HPSE2: variants seen among roughly 807,000 people sequenced by gnomAD.
The protein encoded by HPSE2 is inactive heparanase-2.
A neutral mutation model predicts 60.5 loss-of-function variants in HPSE2; 38 were observed. The observed-to-expected ratio is 0.63, with a 90% CI of 0.48 to 0.82. The LOEUF is 0.82. Ranked by LOEUF, HPSE2 falls within the 40% of genes least tolerant of loss-of-function variation. The pLI is 0.00. For missense variants in HPSE2, 713 were observed against 740.4 expected (o/e 0.96, Z 0.43); for synonymous variants, 295 against 293.2 (o/e 1.01, Z -0.06).
At chr10:98,582,925 C>A (rs1042327572) in intron 9 of HPSE2, among the ~76,000 whole-genome samples, 27 of 152,120 alleles carry the variant, frequency 1.8e-4, no homozygotes, top group African/African-American at 6.3e-4. Flanking sequence ...CCACCCCCAA[C>A]CGTTTTCTCC....
intron 3 of HPSE2, among the ~76,000 whole-genome samples, chr10:98,987,702 T>C (rs1301557860): frequency 6.6e-6 from 1 of 152,160 alleles, no homozygotes; most frequent in Non-Finnish European, 1.5e-5. Context: ...GGAAGTCAAA[T>C]TGTCCCTGTT....
chr10:98,832,151 C>G (rs925546956), intron 3 of HPSE2, among the ~76,000 whole-genome samples: 12 of 152,132 alleles, frequency 7.9e-5, no homozygotes, highest in African/African-American at 2.4e-4. Context: ...GGCTGTCCGC[C>G]TTGTGGTGTT....
At chr10:98,888,735 C>T (rs1267756810) in intron 3 of HPSE2, among the ~76,000 whole-genome samples, 4 of 152,186 alleles carry the variant, frequency 2.6e-5, no homozygotes, top group Middle Eastern at 3.2e-3. Flanking sequence ...TTCTCAACAG[C>T]CCACAAGGCC....
Position 98,782,922 on chromosome 10 carries a change from T to A in HPSE2, c.611-38866A>T, listed in dbSNP as rs1300316030. 9.7e-4 allele frequency among the ~76,000 whole-genome samples: 40 copies of A among 41,116 alleles called. 3 individuals are homozygous for A. The highest frequency in any genetic ancestry group is 5.0e-3 in the African/African-American group (35 of 7,048). The allele number at this position is 41,116 out of a possible 152,430, so 27.0% of individuals were successfully genotyped here. A position where few individuals can be genotyped will look rare whatever the true frequency, so the allele number is the denominator to read the frequency against. ...CTTCCCTGTTTGTTTATTTTTTTTTTTTTATTTTTTTTTTTAATGTTTTTT... is the reference window on the plus strand; with the variant it reads ...CTTCCCTGTTTGTTTATTTTTTTTTATTTATTTTTTTTTTTAATGTTTTTT... On this transcript the variant is annotated intron_variant, in intron 3 of 11. Coordinates refer to ENST00000370552, the MANE Select transcript of HPSE2 (RefSeq NM_021828.5).
intron 3 of HPSE2, among the ~76,000 whole-genome samples, chr10:99,028,616 C>T (rs1388432159): frequency 6.6e-6 from 1 of 151,994 alleles, no homozygotes; most frequent in Non-Finnish European, 1.5e-5. Context: ...ACATTCTTCA[C>T]AGAAATAGAA....
intron 3 of HPSE2, among the ~76,000 whole-genome samples, chr10:98,835,207 T>C (rs934246398): frequency 3.3e-5 from 5 of 152,206 alleles, no homozygotes; most frequent in Admixed American, 6.5e-5. Flanking sequence ...GATGAACATG[T>C]TGATCTGCAA....
At chr10:98,883,210 A>T (rs1036968138) in intron 3 of HPSE2, among the ~76,000 whole-genome samples, 3 of 151,284 alleles carry the variant, frequency 2.0e-5, no homozygotes, top group Non-Finnish European at 2.9e-5. Context: ...GGCACAATTT[A>T]AAAAAAAACT....
intron 3 of HPSE2, among the ~76,000 whole-genome samples, chr10:98,815,720 TGAAA>T (rs2134589746): frequency 6.6e-6 from 1 of 152,260 alleles, no homozygotes; most frequent in African/African-American, 2.4e-5. Flanking sequence ...AAATATTTAC[TGAAA>T]GAAAATGATG....
chr10:98,766,255 AT>A (rs1430393595), intron 3 of HPSE2, among the ~76,000 whole-genome samples: 6 of 152,206 alleles, frequency 3.9e-5, no homozygotes, highest in Non-Finnish European at 8.8e-5. Flanking sequence ...GAATAATCAT[AT>A]ATCTACCAAG....
intron 3 of HPSE2, among the ~76,000 whole-genome samples, chr10:98,957,309 T>C (rs1955534365): frequency 2.0e-5 from 3 of 152,192 alleles, no homozygotes; most frequent in Admixed American, 2.0e-4. Flanking sequence ...TGTAAGTCCC[T>C]ATTAAATGTT....
intron 3 of HPSE2, among the ~76,000 whole-genome samples, chr10:98,811,457 A>G (rs1473245749): frequency 2.6e-5 from 4 of 152,182 alleles, no homozygotes; most frequent in African/African-American, 7.2e-5. Context: ...ATTAATGAAG[A>G]AATAAATGAA....
intron 11 of HPSE2, among the ~76,000 whole-genome samples, chr10:98,474,052 C>A (rs1940897748): frequency 6.6e-6 from 1 of 152,086 alleles, no homozygotes; most frequent in Non-Finnish European, 1.5e-5. Context: ...TAATGGAAAC[C>A]TGCAGGGAGT....
chr10:98,821,665 G>A (rs185643378), intron 3 of HPSE2, among the ~76,000 whole-genome samples: 5 of 152,282 alleles, frequency 3.3e-5, no homozygotes, highest in Admixed American at 1.3e-4. Context: ...GGGGTTGTTC[G>A]TGATTTTGGT....
chr10:98,991,692 G>A (rs1444721807), intron 3 of HPSE2, among the ~76,000 whole-genome samples: 1 of 152,046 alleles, frequency 6.6e-6, no homozygotes, highest in East Asian at 1.9e-4. Flanking sequence ...GATAAAGGAG[G>A]GAAATTAAGT....
At chr10:98,705,267 C>T (rs1013358108) in intron 5 of HPSE2, among the ~76,000 whole-genome samples, 2 of 152,038 alleles carry the variant, frequency 1.3e-5, no homozygotes, top group African/African-American at 2.4e-5. Context: ...TAGATGCTGG[C>T]GAAGCTGCGG....
At chr10:99,102,991 T>G (rs1246132200) in intron 3 of HPSE2, among the ~76,000 whole-genome samples, 1 of 152,132 alleles carries the variant, frequency 6.6e-6, no homozygotes, top group East Asian at 1.9e-4. Flanking sequence ...CTCAAAATAA[T>G]AAGAGCTATT....
At chr10:98,888,171 CACAT>C (rs1160457223) in intron 3 of HPSE2, among the ~76,000 whole-genome samples, 6 of 149,754 alleles carry the variant, frequency 4.0e-5, no homozygotes, top group South Asian at 2.1e-4. Context: ...CACACACACA[CACAT>C]GCATGATAAG....
At chr10:98,891,192 G>T (rs1953326024) in intron 3 of HPSE2, among the ~76,000 whole-genome samples, 1 of 151,882 alleles carries the variant, frequency 6.6e-6, no homozygotes, top group African/African-American at 2.4e-5. Flanking sequence ...AAAATGTAAA[G>T]AACCATATCC....
At chr10:98,593,665 T>C (rs1024861596) in intron 9 of HPSE2, among the ~76,000 whole-genome samples, 3 of 152,130 alleles carry the variant, frequency 2.0e-5, no homozygotes, top group Non-Finnish European at 4.4e-5. Context: ...ATGGGCTTCA[T>C]AGAGTTTAGA....
Sources: gnomAD v4.1 joint callset for allele counts (sites outside exome capture counted in the v4.1 genomes callset) on GRCh38, gnomAD v4.1.1 for gene constraint, MANE v1.5 for transcripts, NCBI Gene and HGNC (gene_info 2026-07-23, HGNC 2026-07-21) for gene names.